GABRG3: variants seen among roughly 807,000 people sequenced by gnomAD.
The protein encoded by GABRG3 is gamma-aminobutyric acid receptor subunit gamma-3.
Under a neutral mutation model 48.8 loss-of-function variants are expected in GABRG3, and 25 were observed. The ratio of observed to expected loss-of-function variants is 0.51; its 90% CI spans 0.37 to 0.72. The LOEUF (loss-of-function observed/expected upper bound fraction) is 0.72. Among genes scored for constraint, GABRG3 ranks in the 30% least tolerant of loss-of-function variants. GABRG3 has a pLI of 0.00. For missense variants in GABRG3, 394 were observed against 577.9 expected (o/e 0.68, Z 3.26); for synonymous variants, 227 against 217.6 (o/e 1.04, Z -0.38).
chr15:27,153,107 C>A (rs112969649), intron 3 of GABRG3, among the ~76,000 whole-genome samples: 31 of 152,242 alleles, frequency 2.0e-4, no homozygotes, highest in African/African-American at 7.2e-4. Flanking sequence ...GTGATCCGCC[C>A]GCCTCGGCCT....
At chr15:27,057,644 G>A (rs1286491415) in intron 3 of GABRG3, among the ~76,000 whole-genome samples, 1 of 152,068 alleles carries the variant, frequency 6.6e-6, no homozygotes, top group Non-Finnish European at 1.5e-5. Flanking sequence ...GGTCACCCTC[G>A]GGGCTCCCAT....
intron 5 of GABRG3, among the ~76,000 whole-genome samples, chr15:27,366,986 C>T (rs533448783): frequency 1.3e-5 from 2 of 152,290 alleles, no homozygotes; most frequent in South Asian, 4.1e-4. Context: ...CAGCTCACTT[C>T]CCTATCCCCT....
chr15:27,459,360 G>C (rs1242180590), intron 5 of GABRG3, among the ~76,000 whole-genome samples: 4 of 152,136 alleles, frequency 2.6e-5, no homozygotes. Context: ...TTTCCAAAAG[G>C]AAAGAAAAAT....
intron 5 of GABRG3, among the ~76,000 whole-genome samples, chr15:27,371,296 T>C (rs2140556123): frequency 6.6e-6 from 1 of 152,228 alleles, no homozygotes; most frequent in East Asian, 1.9e-4. Flanking sequence ...TTTTTCTGAA[T>C]TGTATGTCAT....
At chr15:27,007,555 T>C (rs1317692037) in intron 2 of GABRG3, among the ~76,000 whole-genome samples, 1 of 152,208 alleles carries the variant, frequency 6.6e-6, no homozygotes, top group Non-Finnish European at 1.5e-5. Flanking sequence ...CGTTCCTTTT[T>C]CTCTACAACC....
chr15:27,134,964 AG>A (rs1897982605), intron 3 of GABRG3, among the ~76,000 whole-genome samples: 2 of 152,216 alleles, frequency 1.3e-5, no homozygotes, highest in Non-Finnish European at 2.9e-5. Context: ...GAGTGCATTA[AG>A]GTGTTGCCCA....
chr15:27,117,373 A>G (rs540394582), intron 3 of GABRG3, among the ~76,000 whole-genome samples: 23 of 152,280 alleles, frequency 1.5e-4, no homozygotes, highest in African/African-American at 5.3e-4. Flanking sequence ...TTTTAGGTGC[A>G]GATACTAGCA....
rs563325609 is a variant in GABRG3 at position 27,270,937 on chromosome 15, G to C, written c.271-55872G>C. Among the ~76,000 whole-genome samples, 41 of 152,290 alleles carry C rather than the reference G, an allele frequency of 2.7e-4. 1 individual carries two copies. The highest frequency in any genetic ancestry group is 7.2e-4 in the Admixed American group (11 of 15,304). ...TATCCAGGACCAAACATTATAAGGG[G>C]AATGGATTAACTCAGGCCATTCTTT... On this transcript the variant is annotated intron_variant, in intron 3 of 9. Coordinates refer to ENST00000615808, the MANE Select transcript of GABRG3 (RefSeq NM_033223.5).
chr15:27,112,379 C>T (rs1256838409), intron 3 of GABRG3, among the ~76,000 whole-genome samples: 1 of 151,712 alleles, frequency 6.6e-6, no homozygotes, highest in East Asian at 1.9e-4. Context: ...TCTTGATGTC[C>T]TCTTTAATTT....
rs1310972480 is a variant in GABRG3 at position 27,307,557 on chromosome 15, G to A, written c.271-19252G>A. On this transcript the variant is annotated intron_variant, in intron 3 of 9. Coordinates refer to ENST00000615808, the MANE Select transcript of GABRG3 (RefSeq NM_033223.5). ...TTTATATATAAACATAGGTTTATAG[G>A]TTTATATATTTATATATAAACAGGT... is the stretch of plus-strand genomic sequence containing the variant. Among the ~76,000 whole-genome samples, 3 of 76,390 alleles carry A rather than the reference G, an allele frequency of 3.9e-5. No homozygotes were observed. In the Admixed American group the frequency reaches 5.1e-4, roughly 13 times the overall value. 50.1% of individuals were successfully genotyped at this position (76,390 alleles called of 152,430 possible).
At chr15:26,991,383 G>T (rs1274580890) in intron 2 of GABRG3, among the ~76,000 whole-genome samples, 1 of 151,764 alleles carries the variant, frequency 6.6e-6, no homozygotes, top group Non-Finnish European at 1.5e-5. Flanking sequence ...TTTCCCCCAG[G>T]ATAGCTTTGA....
chr15:27,078,269 G>A (rs1461373754), intron 3 of GABRG3, among the ~76,000 whole-genome samples: 2 of 152,174 alleles, frequency 1.3e-5, no homozygotes, highest in African/African-American at 4.8e-5. Flanking sequence ...GACACTGTCA[G>A]TCAGTCAGTC....
chr15:27,265,689 G>A (rs1410918324), intron 3 of GABRG3, among the ~76,000 whole-genome samples: 1 of 152,158 alleles, frequency 6.6e-6, no homozygotes, highest in Non-Finnish European at 1.5e-5. Flanking sequence ...CCTTTATCAA[G>A]TATGGACGTT....
chr15:27,369,737 G>T (rs1351287527), intron 5 of GABRG3, among the ~76,000 whole-genome samples: 3 of 149,070 alleles, frequency 2.0e-5, no homozygotes, highest in Non-Finnish European at 4.4e-5. Flanking sequence ...AACCCGGGAG[G>T]TGGAGGTTGC....
chr15:27,230,097 T>C (rs980903164), intron 3 of GABRG3, among the ~76,000 whole-genome samples: 2 of 152,194 alleles, frequency 1.3e-5, no homozygotes, highest in African/African-American at 2.4e-5. Flanking sequence ...GTTCTCATCG[T>C]AGAGATCTTT....
At chr15:27,313,648 A>G (rs1893108452) in intron 3 of GABRG3, among the ~76,000 whole-genome samples, 1 of 151,964 alleles carries the variant, frequency 6.6e-6, no homozygotes, top group South Asian at 2.1e-4. Context: ...TTCCAAACAC[A>G]ATGAAATGAA....
intron 3 of GABRG3, among the ~76,000 whole-genome samples, chr15:27,213,904 G>A (rs1889153984): frequency 6.6e-6 from 1 of 152,174 alleles, no homozygotes; most frequent in African/African-American, 2.4e-5. Flanking sequence ...ACCTGGGATT[G>A]GAGGTGAGTT....
intron 2 of GABRG3, among the ~76,000 whole-genome samples, chr15:27,023,020 G>T (rs188349415): frequency 1.3e-5 from 2 of 152,262 alleles, no homozygotes; most frequent in African/African-American, 2.4e-5. Context: ...CACATATGCT[G>T]CACAACTTAT....
intron 3 of GABRG3, among the ~76,000 whole-genome samples, chr15:27,207,469 A>T (rs1888892673): frequency 6.6e-6 from 1 of 152,178 alleles, no homozygotes; most frequent in Admixed American, 6.5e-5. Flanking sequence ...CTTCAGGAAA[A>T]TTTGTTGCCC....
Sources: allele counts gnomAD v4.1 joint callset (sites outside exome capture counted in the v4.1 genomes callset), GRCh38; gene constraint gnomAD v4.1.1; transcripts MANE v1.5; gene names NCBI Gene and HGNC (gene_info 2026-07-23, HGNC 2026-07-21).